DNAH9: variants seen among roughly 807,000 people sequenced by gnomAD.
The protein encoded by DNAH9 is dynein axonemal heavy chain 9.
Under a neutral mutation model 471.6 loss-of-function variants are expected in DNAH9, and 345 were observed. The observed-to-expected ratio is 0.73, with a 90% CI of 0.67 to 0.80. The LOEUF is 0.80. Ranked by LOEUF, DNAH9 falls within the 30% of genes least tolerant of loss-of-function variation. The pLI is 0.00. For missense variants in DNAH9, 5,407 were observed against 5,609.2 expected, an observed-to-expected ratio of 0.96 and a Z score of 1.15; for synonymous variants, 2,093 against 2,123.6, an observed-to-expected ratio of 0.99 and a Z score of 0.40.
At chr17:11,841,097 C>A (rs563149949) in intron 49 of DNAH9, among the ~76,000 whole-genome samples, 18 of 152,310 alleles carry the variant, frequency 1.2e-4, no homozygotes, top group African/African-American at 3.8e-4. Flanking sequence ...TCCTGGCCAA[C>A]CTTAGATATT....
intron 48 of DNAH9, 39 bp from the exon 49 acceptor site, chr17:11,834,599 G>T: frequency 6.2e-7 from 1 of 1,610,506 alleles, no homozygotes; most frequent in Non-Finnish European, 8.5e-7. Context: ...AGTCCCTCCA[G>T]TCACAACTCC....
At chr17:11,857,579 C>T (rs1353375196) in intron 50 of DNAH9, among the ~76,000 whole-genome samples, 1 of 152,148 alleles carries the variant, frequency 6.6e-6, no homozygotes, top group Non-Finnish European at 1.5e-5. Flanking sequence ...ATTCAGAATA[C>T]AGAAAGTGGG....
Position 11,707,959 on chromosome 17 carries a change from CCACACACACACACACACACACACACACA to C in DNAH9, c.5552+2803_5552+2830del, listed in dbSNP as rs756020074. Among the ~76,000 whole-genome samples, 656 of 106,538 alleles carry C rather than the reference CCACACACACACACACACACACACACACA, an allele frequency of 6.2e-3. 8 individuals are homozygous for C. The highest frequency in any genetic ancestry group is 0.025 in the African/African-American group (589 of 23,224). The allele number at this position is 106,538 out of a possible 152,430, so 69.9% of individuals were successfully genotyped here. On this transcript the variant is annotated intron_variant, in intron 26 of 68. Coordinates refer to ENST00000262442, the MANE Select transcript of DNAH9 (RefSeq NM_001372.4). ...TGTTTCTAAAAGGCAGCCTCTCCCA[CCACACACACACACACACACACACACACA>C]CACACACACACACACACACACACAC...
At chr17:11,879,001 C>A (rs1393117766) in intron 53 of DNAH9, among the ~76,000 whole-genome samples, 1 of 152,004 alleles carries the variant, frequency 6.6e-6, no homozygotes, top group Admixed American at 6.6e-5. Flanking sequence ...ATTAAATTTT[C>A]CATTCTTTCC....
At chr17:11,896,669 T>C (rs759211852) in intron 59 of DNAH9, among the ~76,000 whole-genome samples, 3 of 152,162 alleles carry the variant, frequency 2.0e-5, no homozygotes, top group African/African-American at 7.2e-5. Context: ...AAACCATCCA[T>C]TTTCCTGGGC....
intron 57 of DNAH9, 37 bp from the exon 58 acceptor site, chr17:11,891,740 C>T: frequency 6.2e-7 from 1 of 1,607,964 alleles, no homozygotes; most frequent in Non-Finnish European, 8.5e-7. Flanking sequence ...AGTAAGAGGG[C>T]TGTGTACCTT....
chr17:11,623,260 C>T lies in DNAH9; in HGVS notation c.1350+3479C>T, dbSNP rs1330962431. Among the ~76,000 whole-genome samples the T allele has an allele frequency of 6.6e-6, 1 of 152,098 alleles. No individual in the cohort carries two copies. Among genetic ancestry groups the T allele is most frequent in the Non-Finnish European group, 1.5e-5 (1 of 68,014 alleles). Reference sequence around the variant, plus strand: ...AAGTGCTGGGATTACAGGTGTGAGCCACCGTGCCCGGCCAGCATTTCTTTT... The same window carrying T: ...AAGTGCTGGGATTACAGGTGTGAGCTACCGTGCCCGGCCAGCATTTCTTTT... On this transcript the variant is annotated intron_variant, in intron 6 of 68. Transcript: ENST00000262442. The surrounding 1 kb of genome is among the most constrained non-coding windows in gnomAD (Gnocchi z 4.1).
intron 49 of DNAH9, among the ~76,000 whole-genome samples, chr17:11,842,975 T>C (rs868204222): frequency 1.7e-4 from 26 of 152,134 alleles, no homozygotes; most frequent in African/African-American, 6.0e-4. Flanking sequence ...TTTAACACAA[T>C]TCAACATCTG....
Position 11,680,837 on chromosome 17 carries a change from G to T in DNAH9, c.3691G>T (p.Asp1231Tyr). Residue 1231 changes from aspartate to tyrosine, a missense_variant, in exon 19 of 69, where the codon GAT becomes TAT. Asp to Tyr is a radical substitution (Grantham distance 160). Coordinates refer to ENST00000262442, the MANE Select transcript of DNAH9 (RefSeq NM_001372.4). The stretch of plus-strand genomic sequence containing the variant: ...CCTCCGCCAGAGGTGCACAGCCTTC[G>T]ATGCAGAACAGCAGCAATTCTGGGA... ...TLLRQRCTAF[D>Y]AEQQQFWEQF... is the part of the protein sequence containing the mutation. 1.9e-6 allele frequency: 3 copies of T among 1,613,660 alleles called. No homozygotes were observed. Among genetic ancestry groups the T allele is most frequent in the Non-Finnish European group, 2.5e-6 (3 of 1,179,812 alleles).
Position 11,934,057 on chromosome 17 carries a change from A to G in DNAH9, c.12475A>G (p.Asn4159Asp), listed in dbSNP as rs780091329. 2.9e-5 allele frequency: 46 copies of G among 1,613,684 alleles called. 1 individual carries two copies. The South Asian group carries it at 4.9e-4, about 17-fold the overall frequency. ...GFPLPGNMDY[N>D]GYHQYIDAEL... ...CCCACTCCCAGGCAACATGGACTAC[A>G]ATGGTTATCATCAGGTGAGACTCTG... Residue 4159 changes from asparagine to aspartate, a missense_variant, in exon 65 of 69, where the codon AAT (asparagine) becomes GAT (aspartate). Asn to Asp is a conservative substitution (Grantham distance 23). Coordinates refer to ENST00000262442, the MANE Select transcript of DNAH9 (RefSeq NM_001372.4).
At chr17:11,693,050 C>T (rs994910539) in intron 20 of DNAH9, among the ~76,000 whole-genome samples, 1 of 145,104 alleles carries the variant, frequency 6.9e-6, no homozygotes, top group Non-Finnish European at 1.5e-5. Flanking sequence ...AGATGACAGG[C>T]ACACACCACC....
At chr17:11,652,182 G>A (rs4055618) in intron 13 of DNAH9, among the ~76,000 whole-genome samples, 147,253 of 152,144 alleles carry the variant, frequency 0.97, 71,341 homozygotes, top group Non-Finnish European at 0.99. Context: ...TTGGATATAA[G>A]ATTGCATTCC....
intron 28 of DNAH9, among the ~76,000 whole-genome samples, chr17:11,736,813 GA>G (rs1042107243): frequency 1.3e-5 from 2 of 152,230 alleles, no homozygotes; most frequent in African/African-American, 4.8e-5. Flanking sequence ...TTTCGAGAGA[GA>G]ATGCTGAGTC....
rs550437421 is a variant in DNAH9 at position 11,948,262 on chromosome 17, C to T, written c.12843+5777C>T. Among the ~76,000 whole-genome samples, 15 of 129,012 alleles carry T rather than the reference C, an allele frequency of 1.2e-4. No individual in the cohort carries two copies. The East Asian group carries it at 3.3e-3, about 28-fold the overall frequency. The allele number at this position is 129,012 out of a possible 152,430, so 84.6% of individuals were successfully genotyped here. A position where few individuals can be genotyped will look rare whatever the true frequency, so the allele number is the denominator to read the frequency against. ...TTTTTTTTTTTGAGACGGAGTCTCA[C>T]TCTGTTGCCAGGCTGGAGTGCAGTG... On this transcript the variant is annotated intron_variant, in intron 67 of 68. Transcript: ENST00000262442.
At position 11,740,507 on chromosome 17, in the gene DNAH9, C is replaced by G. The variant is rs572207464; in HGVS notation, c.5972+1470C>G. Among the ~76,000 whole-genome samples, 6 of 152,288 alleles carry G rather than the reference C, an allele frequency of 3.9e-5. No individual in the cohort carries two copies. The South Asian group carries it at 1.2e-3, about 32-fold the overall frequency. Reference sequence around the variant, plus strand: ...GCTAGCTCTCTGGGTAGCGCTCCACCCTCATGACCTAATGACCTTCCAAAG... The same window carrying G: ...GCTAGCTCTCTGGGTAGCGCTCCACGCTCATGACCTAATGACCTTCCAAAG... On this transcript the variant is annotated intron_variant, in intron 29 of 68. Coordinates refer to ENST00000262442, the MANE Select transcript of DNAH9 (RefSeq NM_001372.4).
At chr17:11,769,980 C>T (rs1304061413) in intron 38 of DNAH9, among the ~76,000 whole-genome samples, 2 of 152,168 alleles carry the variant, frequency 1.3e-5, no homozygotes, top group Non-Finnish European at 2.9e-5. Context: ...GAGAAGCTTC[C>T]AAGCCATTCT....
intron 26 of DNAH9, among the ~76,000 whole-genome samples, chr17:11,713,430 G>T (rs1278637674): frequency 2.0e-5 from 3 of 152,010 alleles, no homozygotes; most frequent in African/African-American, 4.8e-5. Context: ...TAATGGGATG[G>T]CTGGGTCAAA....
At chr17:11,625,509 T>G (rs917632435) in intron 6 of DNAH9, among the ~76,000 whole-genome samples, 2 of 152,242 alleles carry the variant, frequency 1.3e-5, no homozygotes, top group Admixed American at 6.5e-5. Flanking sequence ...TTTTTCCAAA[T>G]GACCTTTTGA....
rs57983162 is a variant in DNAH9 at position 11,778,329 on chromosome 17, CAAAAAAAAAAAAA to C, written c.7553-2659_7553-2647del. Reference sequence around the variant, plus strand: ...TGGGCGACAGAGTGAGACTCCATCTCAAAAAAAAAAAAAAAAAAAAAAAAAAAAAAAAAGAAAA... The same window carrying C: ...TGGGCGACAGAGTGAGACTCCATCTCAAAAAAAAAAAAAAAAAAAAGAAAA... On this transcript the variant is annotated intron_variant, in intron 38 of 68. Transcript: ENST00000262442. Among the ~76,000 whole-genome samples, 455 of 48,646 alleles carry C rather than the reference CAAAAAAAAAAAAA, an allele frequency of 9.4e-3. 11 individuals are homozygous for C. The highest frequency in any genetic ancestry group is 0.076 in the East Asian group (100 of 1,322). The allele number at this position is 48,646 out of a possible 152,430, so 31.9% of individuals were successfully genotyped here.
Sources: allele counts gnomAD v4.1 joint callset (sites outside exome capture counted in the v4.1 genomes callset), GRCh38; gene constraint gnomAD v4.1.1; non-coding constraint Gnocchi (gnomAD v3.1); transcripts MANE v1.5; gene names NCBI Gene and HGNC (gene_info 2026-07-23, HGNC 2026-07-21).